The following ATRNL1 variants were observed in gnomAD, a reference collection of about 807,000 sequenced individuals.
ATRNL1 encodes the protein attractin like 1, also known as attractin-like protein 1.
In ATRNL1, 95 loss-of-function variants were observed where a neutral mutation model predicts 182.7. The observed-to-expected ratio is 0.52, with a 90% CI of 0.44 to 0.62. The LOEUF (loss-of-function observed/expected upper bound fraction) is 0.62, where lower values mean the gene tolerates loss of function less well. Ranked by LOEUF, ATRNL1 falls within the 20% of genes least tolerant of loss-of-function variation. The pLI is 0.00. For synonymous variants in ATRNL1, 576 were observed against 568.3 expected (o/e 1.01, Z -0.19); for missense variants, 1,471 against 1,679.5 (o/e 0.88, Z 2.17).
chr10:115,597,630 T>C (rs1442182960), intron 26 of ATRNL1: 2 of 434,868 alleles, frequency 4.6e-6, no homozygotes, highest in Admixed American at 5.1e-5. Flanking sequence ...TGGCGTGCAG[T>C]GTGGGGATCT....
intron 4 of ATRNL1, chr10:115,128,409 T>C (rs1055294649): frequency 1.4e-6 from 1 of 704,628 alleles, no homozygotes; most frequent in Admixed American, 6.3e-5. Flanking sequence ...TTCTTCAGAA[T>C]GTAGAAATTG....
In ATRNL1 at chr10:115,766,145, T is replaced by G. The variant is rs558516334; in HGVS notation, c.3903+38790T>G. Among the ~76,000 whole-genome samples, 58 of 152,348 alleles carry G rather than the reference T, an allele frequency of 3.8e-4. No homozygotes were observed. The South Asian group carries it at 5.6e-3, about 15-fold the overall frequency. On this transcript the variant is annotated intron_variant, in intron 27 of 28. Transcript: ENST00000355044. Reference sequence around the variant, plus strand: ...GTAACCCTAGTCATAGAATAAATGTTTAATGAATATTTGTTGATTGAATGC... The same window carrying G: ...GTAACCCTAGTCATAGAATAAATGTGTAATGAATATTTGTTGATTGAATGC...
intron 27 of ATRNL1, among the ~76,000 whole-genome samples, chr10:115,845,132 T>G (rs1950897971): frequency 6.6e-6 from 1 of 152,148 alleles, no homozygotes; most frequent in Non-Finnish European, 1.5e-5. Context: ...GTAACTAATA[T>G]TTTAAACAGA....
At chr10:115,338,309 T>C (rs1855587885) in intron 19 of ATRNL1, among the ~76,000 whole-genome samples, 1 of 152,204 alleles carries the variant, frequency 6.6e-6, no homozygotes, top group Admixed American at 6.5e-5. Context: ...TGAGGAACCT[T>C]CAAACTTTTC....
chr10:115,479,506 T>C (rs1469789473), intron 24 of ATRNL1, among the ~76,000 whole-genome samples: 7 of 151,508 alleles, frequency 4.6e-5, no homozygotes, highest in Admixed American at 2.0e-4. Context: ...TTCTTCATTG[T>C]CTTCAAACTT....
intron 26 of ATRNL1, among the ~76,000 whole-genome samples, chr10:115,723,959 T>A (rs1381360304): frequency 6.6e-6 from 1 of 152,212 alleles, no homozygotes; most frequent in Non-Finnish European, 1.5e-5. Flanking sequence ...CTTTAATTTT[T>A]AAATTTTCTT....
intron 14 of ATRNL1, among the ~76,000 whole-genome samples, chr10:115,284,902 A>G (rs1852534817): frequency 6.6e-6 from 1 of 152,236 alleles, no homozygotes; most frequent in African/African-American, 2.4e-5. Flanking sequence ...ATTAAAAAAC[A>G]GAAATAATTG....
At chr10:115,793,620 C>T (rs1224173002) in intron 27 of ATRNL1, among the ~76,000 whole-genome samples, 2 of 152,056 alleles carry the variant, frequency 1.3e-5, no homozygotes, top group Non-Finnish European at 2.9e-5. Context: ...TGAGAAAGAA[C>T]CATAAAGATG....
intron 24 of ATRNL1, among the ~76,000 whole-genome samples, chr10:115,515,858 C>A (rs1243501147): frequency 3.3e-5 from 5 of 151,830 alleles, no homozygotes; most frequent in African/African-American, 1.2e-4. Context: ...CAAAATCAAC[C>A]ACTACTTTCT....
Position 115,759,678 on chromosome 10 carries a change from CT to C in ATRNL1, c.3903+32338del, listed in dbSNP as rs1230731055. 6.0e-3 allele frequency among the ~76,000 whole-genome samples: 827 copies of C among 138,676 alleles called. 4 individuals are homozygous for C. Among genetic ancestry groups the C allele is most frequent in the African/African-American group, 0.011 (432 of 37,876 alleles). 91.0% of individuals were successfully genotyped at this position (138,676 alleles called of 152,430 possible). A position where few individuals can be genotyped will look rare whatever the true frequency, so the allele number is the denominator to read the frequency against. On this transcript the variant is annotated intron_variant, in intron 27 of 28. Coordinates refer to ENST00000355044, the MANE Select transcript of ATRNL1 (RefSeq NM_207303.4). ...TCACTAAATATTTGAGTAAATAAAA[CT>C]TTTTTTTTTTTTTTAAGATGGAATC...
chr10:115,854,891 C>T (rs1308171107), intron 28 of ATRNL1, among the ~76,000 whole-genome samples: 1 of 152,160 alleles, frequency 6.6e-6, no homozygotes, highest in Non-Finnish European at 1.5e-5. Flanking sequence ...GGTTGCTTCT[C>T]ACCTGGGTTG....
chr10:115,824,734 G>A lies in ATRNL1; in HGVS notation c.3904-23143G>A, dbSNP rs142385453. On this transcript the variant is annotated intron_variant, in intron 27 of 28. Transcript: ENST00000355044. ...CCACAATGAGATACCATCTCACACC[G>A]GTTAGAATGGCAGTCATTAAAAAGT... 3.7e-4 allele frequency among the ~76,000 whole-genome samples: 56 copies of A among 152,202 alleles called. 1 individual carries two copies. In the East Asian group the frequency reaches 9.5e-3, roughly 26 times the overall value.
At chr10:115,176,070 G>A (rs1394993092) in intron 8 of ATRNL1, among the ~76,000 whole-genome samples, 1 of 152,150 alleles carries the variant, frequency 6.6e-6, no homozygotes, top group Non-Finnish European at 1.5e-5. Context: ...GTGATGATGA[G>A]CATTTCTTCA....
At chr10:115,709,635 T>C in intron 26 of ATRNL1, among the ~76,000 whole-genome samples, 1 of 151,602 alleles carries the variant, frequency 6.6e-6, no homozygotes, top group Admixed American at 6.6e-5. Flanking sequence ...CTTTGACAAA[T>C]GAGAAGAAAT....
At chr10:115,510,173 G>GGAAACTTTTCCTGGTGAAGATGCTGT (rs1554982295) in intron 24 of ATRNL1, among the ~76,000 whole-genome samples, 2 of 152,040 alleles carry the variant, frequency 1.3e-5, no homozygotes, top group Non-Finnish European at 2.9e-5. Context: ...TTCTGGAGAT[G>GGAAACTTTTCCTGGTGAAGATGCTGT]GAAACTTTTC....
intron 26 of ATRNL1, among the ~76,000 whole-genome samples, chr10:115,653,938 C>T (rs1441787839): frequency 1.3e-5 from 2 of 152,116 alleles, no homozygotes; most frequent in African/African-American, 2.4e-5. Context: ...TTATGTGTAA[C>T]TTCTGGAATC....
At chr10:115,449,772 A>G (rs1481349159) in intron 21 of ATRNL1, among the ~76,000 whole-genome samples, 2 of 152,190 alleles carry the variant, frequency 1.3e-5, no homozygotes, top group South Asian at 2.1e-4. Flanking sequence ...AGACCCATGA[A>G]GGGTCAGGGA....
In ATRNL1 at chr10:115,433,417, A is replaced by G. The variant is rs536007889; in HGVS notation, c.3322+7115A>G. 7.2e-5 allele frequency among the ~76,000 whole-genome samples: 11 copies of G among 152,304 alleles called. No individual in the cohort carries two copies. The South Asian group carries it at 8.3e-4, about 11-fold the overall frequency. Reference sequence around the variant, plus strand: ...TTATATGACTTTTTAACTATTGGCTATAAATTGCTATTTAAGTAGGATCTG... The same window carrying G: ...TTATATGACTTTTTAACTATTGGCTGTAAATTGCTATTTAAGTAGGATCTG... On this transcript the variant is annotated intron_variant, in intron 21 of 28. Coordinates refer to ENST00000355044, the MANE Select transcript of ATRNL1 (RefSeq NM_207303.4).
intron 9 of ATRNL1, among the ~76,000 whole-genome samples, chr10:115,231,207 A>C (rs1216748065): frequency 6.6e-6 from 1 of 152,176 alleles, no homozygotes; most frequent in Non-Finnish European, 1.5e-5. Flanking sequence ...TGAGCAGTTA[A>C]TGAGTTAGGA....
Sources: allele counts gnomAD v4.1 joint callset (sites outside exome capture counted in the v4.1 genomes callset), GRCh38; gene constraint gnomAD v4.1.1; transcripts MANE v1.5; gene names NCBI Gene and HGNC (gene_info 2026-07-23, HGNC 2026-07-21).